PLEKHD1: variants seen among roughly 807,000 people sequenced by gnomAD.
PLEKHD1 encodes the protein pleckstrin homology and coiled-coil domain containing D1.
In PLEKHD1, 51 loss-of-function variants were observed where a neutral mutation model predicts 69.2. The observed-to-expected ratio is 0.74, with a 90% CI of 0.59 to 0.93. The LOEUF is 0.93. PLEKHD1 is among the 40% of genes least tolerant of loss of function. The pLI is 0.00. For synonymous variants in PLEKHD1, 236 were observed against 244.7 expected, an observed-to-expected ratio of 0.96 and a Z score of 0.33; for missense variants, 584 against 641.0, an observed-to-expected ratio of 0.91 and a Z score of 0.96.
chr14:69,528,073 G>C lies in PLEKHD1; in HGVS notation c.1351+141G>C, dbSNP rs1392287199. The C allele has an allele frequency of 2.1e-6, 3 of 1,458,294 alleles. No individual in the cohort carries two copies. The East Asian group carries it at 7.4e-5, about 36-fold the overall frequency. The allele number at this position is 1,458,294 out of a possible 1,614,324, so 90.3% of individuals were successfully genotyped here. On this transcript the variant is annotated intron_variant, in intron 12 of 12. Transcript: ENST00000322564. ...GGCCCCACCATCCTTGGGCAAACGG[G>C]TGAATTCTCAGGGCCCTGGGTTTCT...
At chr14:69,528,116 CGT>C in intron 12 of PLEKHD1, 132 bp from the exon 13 acceptor site, 2 of 1,400,978 alleles carry the variant, frequency 1.4e-6, no homozygotes, top group Non-Finnish European at 1.9e-6. Context: ...TATGGAAGCC[CGT>C]GTGTGTGGGA....
At chr14:69,510,177 G>A (rs1883240420) in intron 6 of PLEKHD1, among the ~76,000 whole-genome samples, 1 of 152,080 alleles carries the variant, frequency 6.6e-6, no homozygotes, top group South Asian at 2.1e-4. Context: ...TGGCTATTAT[G>A]GGTGTTTTGC....
At chr14:69,497,733 G>A (rs1440691330) in intron 1 of PLEKHD1, among the ~76,000 whole-genome samples, 3 of 152,232 alleles carry the variant, frequency 2.0e-5, no homozygotes, top group African/African-American at 4.8e-5. Flanking sequence ...GGCAGGCCTG[G>A]AATGTCACTG....
intron 1 of PLEKHD1, among the ~76,000 whole-genome samples, chr14:69,498,057 A>ATTTTATTTTATTTATTTTAT (rs1555337189): frequency 1.0e-4 from 13 of 124,694 alleles, no homozygotes; most frequent in Middle Eastern, 8.2e-3. Context: ...ATTTTATTTT[A>ATTTTATTTTATTTATTTTAT]TTTATTTTAT....
chr14:69,513,155 G>A (rs1194810197), intron 6 of PLEKHD1, among the ~76,000 whole-genome samples: 3 of 151,850 alleles, frequency 2.0e-5, no homozygotes, highest in African/African-American at 4.8e-5. Flanking sequence ...GGAGGCGGAA[G>A]TTGCAGTGAG....
intron 5 of PLEKHD1, chr14:69,502,448 C>T: frequency 3.7e-6 from 1 of 270,234 alleles, no homozygotes; most frequent in Non-Finnish European, 7.2e-6. Flanking sequence ...CTTGGGGCCC[C>T]AGCACTTGCT....
In PLEKHD1 at chr14:69,500,877, A is replaced by T; in HGVS notation, c.340A>T (p.Ile114Phe). 6.4e-7 allele frequency: 1 copy of T among 1,551,672 alleles called. No homozygotes were observed. Among genetic ancestry groups the T allele is most frequent in the South Asian group, 1.2e-5 (1 of 84,066 alleles). Reference protein sequence around the residue: ...KISHQDFHGNILLAAESEFEQ... With the variant: ...KISHQDFHGNFLLAAESEFEQ... ...TGGCTCCTCTTCCTGGCAGGGGAAC[A>T]TCTTGCTTGCTGCTGAGTCGGAGTT... The change falls in exon 4 of 13, where the codon ATC becomes TTC. Residue 114 changes from isoleucine to phenylalanine, a missense_variant. Ile to Phe is a conservative substitution (Grantham distance 21, BLOSUM62 0). Coordinates refer to ENST00000322564, the MANE Select transcript of PLEKHD1 (RefSeq NM_001161498.2).
chr14:69,517,281 A>T (rs1883406197), intron 6 of PLEKHD1, among the ~76,000 whole-genome samples: 1 of 152,190 alleles, frequency 6.6e-6, no homozygotes, highest in African/African-American at 2.4e-5. Context: ...GTGCACTGGA[A>T]GATCACAAGC....
At chr14:69,494,212 T>G (rs57538879) in intron 1 of PLEKHD1, among the ~76,000 whole-genome samples, 55,963 of 152,094 alleles carry the variant, frequency 0.37, 10,352 homozygotes, top group South Asian at 0.45. Flanking sequence ...TGAGATATAG[T>G]TATTATTATT....
chr14:69,503,192 G>A (rs751628954), intron 6 of PLEKHD1: 6 of 396,402 alleles, frequency 1.5e-5, no homozygotes, highest in South Asian at 6.8e-5. Context: ...TGATGTTCAC[G>A]GGAGCTATAA....
intron 1 of PLEKHD1, among the ~76,000 whole-genome samples, chr14:69,486,107 C>T (rs944262805): frequency 7.2e-5 from 11 of 152,150 alleles, no homozygotes; most frequent in Non-Finnish European, 1.5e-4. Flanking sequence ...CCAGCCCTTC[C>T]GCGGAGGTGT....
chr14:69,486,659 G>T (rs1882661488), intron 1 of PLEKHD1, among the ~76,000 whole-genome samples: 1 of 152,134 alleles, frequency 6.6e-6, no homozygotes, highest in Admixed American at 6.5e-5. Flanking sequence ...TGCTGTTCTG[G>T]GTCCTGTCAA....
At chr14:69,474,866 T>A in the PLEKHD1 span, among the ~76,000 whole-genome samples, 10 of 152,290 alleles carry the variant, frequency 6.6e-5, no homozygotes, top group East Asian at 5.8e-4. Context: ...CTTCTTTTTT[T>A]AAAAAGAGAT....
chr14:69,520,820 G>C (rs1237748971), intron 6 of PLEKHD1, among the ~76,000 whole-genome samples: 1 of 152,222 alleles, frequency 6.6e-6, no homozygotes, highest in Admixed American at 6.5e-5. Context: ...CAGGGGGAAG[G>C]GAACGTAGCA....
At chr14:69,502,693 C>A in intron 5 of PLEKHD1, 134 bp from the exon 6 acceptor site, 1 of 1,123,668 alleles carries the variant, frequency 8.9e-7, no homozygotes, top group Non-Finnish European at 1.3e-6. Context: ...CACCCTCTGG[C>A]TGGCAGGGCT....
At chr14:69,528,136 G>A (rs1883701932) in intron 12 of PLEKHD1, 114 bp from the exon 13 acceptor site, 1 of 1,428,402 alleles carries the variant, frequency 7.0e-7, no homozygotes, top group Non-Finnish European at 9.5e-7. Flanking sequence ...GGAAGGGGCT[G>A]GAAGAAGCTT....
chr14:69,476,689 GA>G, the PLEKHD1 span, among the ~76,000 whole-genome samples: 15 of 152,356 alleles, frequency 9.8e-5, no homozygotes, highest in African/African-American at 2.4e-4. Context: ...GAGAAGATGT[GA>G]AGAGCATGGG....
intron 1 of PLEKHD1, among the ~76,000 whole-genome samples, chr14:69,486,513 C>T (rs575699395): frequency 6.6e-6 from 1 of 152,276 alleles, no homozygotes; most frequent in Admixed American, 6.5e-5. Context: ...CTACAGCCCC[C>T]AGGGCCAGGA....
At position 69,530,276 on chromosome 14, in the gene PLEKHD1, T is replaced by C. The variant is rs1032177706; in HGVS notation, c.*1857T>C. 2.0e-5 allele frequency: 3 copies of C among 152,270 alleles called. No individual in the cohort carries two copies. Among genetic ancestry groups the C allele is most frequent in the Non-Finnish European group, 4.4e-5 (3 of 68,064 alleles). 9.4% of individuals were successfully genotyped at this position (152,270 alleles called of 1,614,324 possible). A position where few individuals can be genotyped will look rare whatever the true frequency, so the allele number is the denominator to read the frequency against. ...TAATCTCAGTGGTTCCTTTCAGTGATGGGTGGACTTTGGTGGCTTCATACA... is the reference window on the plus strand; with the variant it reads ...TAATCTCAGTGGTTCCTTTCAGTGACGGGTGGACTTTGGTGGCTTCATACA... On this transcript the variant is annotated 3_prime_UTR_variant, in exon 13 of 13. Coordinates refer to ENST00000322564, the MANE Select transcript of PLEKHD1 (RefSeq NM_001161498.2).
Sources: allele counts gnomAD v4.1 joint callset (sites outside exome capture counted in the v4.1 genomes callset), GRCh38; gene constraint gnomAD v4.1.1; transcripts MANE v1.5; gene names NCBI Gene and HGNC (gene_info 2026-07-23, HGNC 2026-07-21).